The following PARD3B variants were observed in gnomAD, a reference collection of about 807,000 sequenced individuals.
PARD3B encodes partitioning defective 3 homolog B.
In PARD3B, 103 loss-of-function variants were observed where a neutral mutation model predicts 130.2. The observed-to-expected ratio is 0.79, with a 90% CI of 0.67 to 0.93. The LOEUF is 0.93. Among genes scored for constraint, PARD3B ranks in the 40% least tolerant of loss-of-function variants. PARD3B has a pLI of 0.00. For missense variants in PARD3B, 1,609 were observed against 1,499.2 expected (o/e 1.07, Z -1.21); for synonymous variants, 583 against 553.2 (o/e 1.05, Z -0.76).
chr2:205,253,571 C>T lies in PARD3B; in HGVS notation c.2185+7749C>T. 1 of 468,666 alleles carries T rather than the reference C, an allele frequency of 2.1e-6. No homozygotes were observed. Among genetic ancestry groups the T allele is most frequent in the Non-Finnish European group, 4.3e-6 (1 of 231,014 alleles). 29.0% of individuals were successfully genotyped at this position (468,666 alleles called of 1,614,324 possible). A position where few individuals can be genotyped will look rare whatever the true frequency, so the allele number is the denominator to read the frequency against. ...CCTGGAGCCTCCCCTGCCTCCTCTG[C>T]CTCTTCAGAGCCCAGCAGAAAGACA... On this transcript the variant is annotated intron_variant, in intron 16 of 22. Coordinates refer to ENST00000406610, the MANE Select transcript of PARD3B (RefSeq NM_001302769.2). This position sits in a 1 kb window ranked among gnomAD's most constrained non-coding sequence, Gnocchi z 4.4.
intron 2 of PARD3B, among the ~76,000 whole-genome samples, chr2:204,878,917 T>C (rs747156238): frequency 6.6e-6 from 1 of 152,056 alleles, no homozygotes; most frequent in Non-Finnish European, 1.5e-5. Context: ...AGTAGTTATG[T>C]AGGTTTACAA....
intron 21 of PARD3B, among the ~76,000 whole-genome samples, chr2:205,540,122 C>A (rs1219781205): frequency 6.6e-6 from 1 of 152,020 alleles, no homozygotes; most frequent in Non-Finnish European, 1.5e-5. Flanking sequence ...CATGTCTTGG[C>A]TCATGTGAGA....
rs752254511 is a variant in PARD3B at position 205,124,382 on chromosome 2, C to T, written c.1221C>T (p.Pro407=). Residue 407 remains proline, a synonymous_variant, in exon 9 of 23, where the codon CCC becomes CCT. Coordinates refer to ENST00000406610, the MANE Select transcript of PARD3B (RefSeq NM_001302769.2). ...VVTRDSSIHG[P]GPIFVKNILP... ...CCAGAGACTCTTCCATACATGGTCC[C>T]GGTCCCATTTTTGTAAAAAACATTT... 28 of 1,600,728 alleles carry T rather than the reference C, an allele frequency of 1.7e-5. No individual in the cohort carries two copies. Among genetic ancestry groups the T allele is most frequent in the South Asian group, 5.6e-5 (5 of 88,682 alleles).
At chr2:204,752,232 A>T (rs2040492841) in intron 2 of PARD3B, among the ~76,000 whole-genome samples, 1 of 152,168 alleles carries the variant, frequency 6.6e-6, no homozygotes, top group African/African-American at 2.4e-5. Flanking sequence ...TGTATTGCTT[A>T]CTTTCTGCTA....
At chr2:204,807,495 A>G (rs1404848840) in intron 2 of PARD3B, among the ~76,000 whole-genome samples, 1 of 152,148 alleles carries the variant, frequency 6.6e-6, no homozygotes, top group Non-Finnish European at 1.5e-5. Flanking sequence ...ACTACTGGGT[A>G]TTTATCCAAA....
intron 3 of PARD3B, 94 bp from the exon 4 acceptor site, chr2:205,047,487 C>A (rs7563474): frequency 0.68 from 418,484 of 616,586 alleles, 143,877 homozygotes; most frequent in Middle Eastern, 0.78. Context: ...ACATAAAAGC[C>A]TGTTGTAAAC....
At chr2:204,643,657 G>C (rs1329465091) in intron 1 of PARD3B, among the ~76,000 whole-genome samples, 1 of 152,008 alleles carries the variant, frequency 6.6e-6, no homozygotes, top group African/African-American at 2.4e-5. Flanking sequence ...TATATTTTAT[G>C]TGTGGCTACA....
At chr2:205,391,026 T>A (rs1025609937) in intron 18 of PARD3B, among the ~76,000 whole-genome samples, 2 of 152,208 alleles carry the variant, frequency 1.3e-5, no homozygotes, top group African/African-American at 4.8e-5. Flanking sequence ...TCAGAGCTGT[T>A]TCCTGTGGGG....
chr2:205,058,005 C>T (rs1575667040), intron 4 of PARD3B, among the ~76,000 whole-genome samples: 1 of 151,636 alleles, frequency 6.6e-6, no homozygotes, highest in African/African-American at 2.4e-5. Flanking sequence ...TCACTACCAC[C>T]TCTCTCCAGA....
chr2:205,383,355 C>A (rs191888994), intron 18 of PARD3B, among the ~76,000 whole-genome samples: 2 of 152,120 alleles, frequency 1.3e-5, no homozygotes, highest in East Asian at 1.9e-4. Flanking sequence ...GTTCAACCCT[C>A]ATATATTCAT....
chr2:205,256,353 G>A (rs533969862), intron 16 of PARD3B, among the ~76,000 whole-genome samples: 7 of 152,144 alleles, frequency 4.6e-5, no homozygotes, highest in South Asian at 2.1e-4. Context: ...AACATGTACC[G>A]TATACCAGGC....
intron 4 of PARD3B, among the ~76,000 whole-genome samples, chr2:205,054,404 TTATATATA>T (rs1298451651): frequency 1.7e-3 from 57 of 33,808 alleles, no homozygotes; most frequent in East Asian, 3.2e-3. Flanking sequence ...GACATGTCTT[TTATATATA>T]TATATATATA....
intron 22 of PARD3B, among the ~76,000 whole-genome samples, chr2:205,586,792 T>C (rs1211924307): frequency 2.0e-5 from 3 of 152,176 alleles, no homozygotes; most frequent in Admixed American, 1.3e-4. Flanking sequence ...CAGACTAGCA[T>C]GGCGTAATAG....
At chr2:204,873,700 A>G (rs77886905) in intron 2 of PARD3B, among the ~76,000 whole-genome samples, 2,019 of 152,330 alleles carry the variant, frequency 0.013, 49 homozygotes, top group African/African-American at 0.046. Flanking sequence ...AGCCCTGGGT[A>G]GGTTGATCAG....
rs1211297785 is a variant in PARD3B at position 205,351,468 on chromosome 2, G to T, written c.2631-49545G>T. ...AGGTGCTGGAGGGATTTTGCCAACTGCACCTGGTGCTGAGTGAGTGGTAGC... is the reference window on the plus strand; with the variant it reads ...AGGTGCTGGAGGGATTTTGCCAACTTCACCTGGTGCTGAGTGAGTGGTAGC... On this transcript the variant is annotated intron_variant, in intron 18 of 22. Coordinates refer to ENST00000406610, the MANE Select transcript of PARD3B (RefSeq NM_001302769.2). This position sits in a 1 kb window ranked among gnomAD's most constrained non-coding sequence, Gnocchi z 4.2. 6.6e-6 allele frequency among the ~76,000 whole-genome samples: 1 copy of T among 152,136 alleles called. No homozygotes were observed. Among genetic ancestry groups the T allele is most frequent in the Non-Finnish European group, 1.5e-5 (1 of 68,028 alleles).
At chr2:205,420,563 CT>C (rs1298519379) in intron 19 of PARD3B, among the ~76,000 whole-genome samples, 1 of 152,156 alleles carries the variant, frequency 6.6e-6, no homozygotes, top group Non-Finnish European at 1.5e-5. Context: ...CTGAAAAAGG[CT>C]TTGCTTCAGT....
intron 1 of PARD3B, among the ~76,000 whole-genome samples, chr2:204,568,674 G>A (rs1200265766): frequency 6.6e-6 from 1 of 152,070 alleles, no homozygotes; most frequent in African/African-American, 2.4e-5. Context: ...AAAATTACAG[G>A]CTGGTTTCGG....
chr2:204,919,041 G>T (rs770788665), intron 2 of PARD3B, among the ~76,000 whole-genome samples: 1 of 152,086 alleles, frequency 6.6e-6, no homozygotes, highest in Admixed American at 6.5e-5. Context: ...TAAGTATGCA[G>T]TGAAGACCCA....
chr2:204,689,264 A>G lies in PARD3B; in HGVS notation c.222+2982A>G, dbSNP rs1430827395. Among the ~76,000 whole-genome samples the G allele has an allele frequency of 6.6e-6, 1 of 152,134 alleles. No individual in the cohort carries two copies. Reference sequence around the variant, plus strand: ...GGCCAACATAGTGCTTGGCGCATACATGGTATCTGCTTGGGAGCTTTGGTT... The same window carrying G: ...GGCCAACATAGTGCTTGGCGCATACGTGGTATCTGCTTGGGAGCTTTGGTT... On this transcript the variant is annotated intron_variant, in intron 2 of 22. Coordinates refer to ENST00000406610, the MANE Select transcript of PARD3B (RefSeq NM_001302769.2). This position sits in a 1 kb window ranked among gnomAD's most constrained non-coding sequence, Gnocchi z 5.2.
Sources: gnomAD v4.1 joint callset for allele counts (sites outside exome capture counted in the v4.1 genomes callset) on GRCh38, gnomAD v4.1.1 for gene constraint, Gnocchi (gnomAD v3.1) non-coding constraint, MANE v1.5 for transcripts, NCBI Gene and HGNC (gene_info 2026-07-23, HGNC 2026-07-21) for gene names.